The following CTDSPL variants were observed in gnomAD, a reference collection of about 807,000 sequenced individuals.
CTDSPL encodes the protein CTD small phosphatase like.
A neutral mutation model predicts 30.5 loss-of-function variants in CTDSPL; 8 were observed. That is an observed-to-expected ratio of 0.26 (90% CI 0.15 to 0.47). CTDSPL has a LOEUF of 0.47. Among genes scored for constraint, CTDSPL ranks in the 20% least tolerant of loss-of-function variants. The pLI is 0.99. For synonymous variants in CTDSPL, 110 were observed against 137.9 expected (o/e 0.80, Z 1.42); for missense variants, 248 against 366.1 (o/e 0.68, Z 2.63).
chr3:37,979,446 A>C (rs1315827946), intron 7 of CTDSPL, among the ~76,000 whole-genome samples: 3 of 152,154 alleles, frequency 2.0e-5, no homozygotes, highest in Non-Finnish European at 4.4e-5. Flanking sequence ...CTACTAAAAT[A>C]CAAAAACTAG....
At chr3:37,948,804 C>CTTTTTTTTTT (rs1559641745) in intron 2 of CTDSPL, among the ~76,000 whole-genome samples, 3 of 135,898 alleles carry the variant, frequency 2.2e-5, no homozygotes, top group African/African-American at 9.3e-5. Flanking sequence ...CATTTTCCAG[C>CTTTTTTTTTT]TTTCTTTTTT....
chr3:37,892,743 C>T (rs552943542), intron 1 of CTDSPL, among the ~76,000 whole-genome samples: 33 of 152,266 alleles, frequency 2.2e-4, no homozygotes, highest in Non-Finnish European at 4.3e-4. Flanking sequence ...CTTTCCCTAC[C>T]TGTAAATGGG....
intron 1 of CTDSPL, among the ~76,000 whole-genome samples, chr3:37,904,546 T>C (rs527298339): frequency 2.6e-5 from 4 of 152,260 alleles, no homozygotes; most frequent in African/African-American, 9.6e-5. Flanking sequence ...ACTCCCTGGC[T>C]AGAGAACTAG....
chr3:37,872,539 CTTTT>C (rs34657967), intron 1 of CTDSPL, among the ~76,000 whole-genome samples: 5 of 51,034 alleles, frequency 9.8e-5, no homozygotes, highest in Admixed American at 6.3e-4. Context: ...TACTTAGGCT[CTTTT>C]TTTTTTTTTT....
chr3:37,931,342 T>A lies in CTDSPL; in HGVS notation c.80-15715T>A, dbSNP rs146657111. Among the ~76,000 whole-genome samples, 683 of 152,068 alleles carry A rather than the reference T, an allele frequency of 4.5e-3. 22 individuals carry two copies. The South Asian group carries it at 0.078, about 17-fold the overall frequency. ...TTTTTAGTTTTTTTAAAAGATGGGG[T>A]CTCACTGTGTTTCCCAGGCTGATCT... On this transcript the variant is annotated intron_variant, in intron 1 of 7. Coordinates refer to ENST00000273179, the MANE Select transcript of CTDSPL (RefSeq NM_001008392.2).
intron 1 of CTDSPL, among the ~76,000 whole-genome samples, chr3:37,887,198 C>T (rs902269045): frequency 3.9e-5 from 6 of 152,168 alleles, no homozygotes; most frequent in African/African-American, 1.2e-4. Flanking sequence ...TACTGTGACA[C>T]AATATTGAGC....
chr3:37,982,545 G>C lies in CTDSPL; in HGVS notation c.*1678G>C, dbSNP rs1175810022. ...TCGGGGGTCAAAGTAAAATATCTTT[G>C]TTTTGCTTTCATTCACAAAGTAATG... On this transcript the variant is annotated 3_prime_UTR_variant, in exon 8 of 8. Transcript: ENST00000273179. 2.2e-6 allele frequency: 1 copy of C among 456,650 alleles called. No homozygotes were observed. Among genetic ancestry groups the C allele is most frequent in the East Asian group, 7.0e-5 (1 of 14,382 alleles). 28.3% of individuals were successfully genotyped at this position (456,650 alleles called of 1,614,324 possible). A position where few individuals can be genotyped will look rare whatever the true frequency, so the allele number is the denominator to read the frequency against.
At chr3:37,958,972 C>T (rs770461890) in intron 3 of CTDSPL, among the ~76,000 whole-genome samples, 5 of 152,182 alleles carry the variant, frequency 3.3e-5, no homozygotes, top group Non-Finnish European at 5.9e-5. Flanking sequence ...CCTGAAAAGG[C>T]GCCAGGTTGC....
intron 2 of CTDSPL, among the ~76,000 whole-genome samples, chr3:37,952,398 T>C (rs1699120453): frequency 1.3e-5 from 2 of 152,234 alleles, no homozygotes; most frequent in Admixed American, 6.5e-5. Flanking sequence ...CCCCTATCCT[T>C]GGTATGTTTG....
chr3:37,873,976 C>G (rs1324974327), intron 1 of CTDSPL, among the ~76,000 whole-genome samples: 2 of 152,220 alleles, frequency 1.3e-5, no homozygotes, highest in Non-Finnish European at 2.9e-5. Context: ...GATTAGCAAG[C>G]ATGTTTAACC....
chr3:37,862,283 G>T lies in CTDSPL; in HGVS notation c.79+5G>T. ...TGCCGGGCGCGGGCGAGAAAGGTGA[G>T]GAGGGGCGCAGGCGGCCGCGGGCTG... On this transcript the variant is annotated splice_donor_5th_base_variant and intron_variant, in intron 1 of 7. Coordinates refer to ENST00000273179, the MANE Select transcript of CTDSPL (RefSeq NM_001008392.2). The surrounding 1 kb of genome is among the most constrained non-coding windows in gnomAD (Gnocchi z 4.3). 1 of 1,491,832 alleles carries T rather than the reference G, an allele frequency of 6.7e-7. No homozygotes were observed. Among genetic ancestry groups the T allele is most frequent in the Non-Finnish European group, 8.9e-7 (1 of 1,124,044 alleles). 92.4% of individuals were successfully genotyped at this position (1,491,832 alleles called of 1,614,324 possible). A position where few individuals can be genotyped will look rare whatever the true frequency, so the allele number is the denominator to read the frequency against.
chr3:37,906,734 C>T (rs543422246), intron 1 of CTDSPL, among the ~76,000 whole-genome samples: 23 of 152,276 alleles, frequency 1.5e-4, no homozygotes, highest in Middle Eastern at 3.4e-3. Context: ...TGCTGTGCTG[C>T]CCACTCTAGT....
intron 1 of CTDSPL, among the ~76,000 whole-genome samples, chr3:37,874,655 G>T (rs569995299): frequency 6.6e-6 from 1 of 152,082 alleles, no homozygotes; most frequent in African/African-American, 2.4e-5. Flanking sequence ...GCTTGAATCC[G>T]GAAGGCGGAG....
At chr3:37,931,713 A>G (rs566980112) in intron 1 of CTDSPL, among the ~76,000 whole-genome samples, 20 of 152,096 alleles carry the variant, frequency 1.3e-4, no homozygotes, top group African/African-American at 4.6e-4. Context: ...TACATGAAAC[A>G]TTTTGTAGTA....
chr3:37,915,246 T>C (rs919792064), intron 1 of CTDSPL, among the ~76,000 whole-genome samples: 1 of 152,208 alleles, frequency 6.6e-6, no homozygotes, highest in African/African-American at 2.4e-5. Flanking sequence ...ATTTTCTCTT[T>C]GTCTTTGGTG....
intron 1 of CTDSPL, among the ~76,000 whole-genome samples, chr3:37,881,949 G>A (rs1698210112): frequency 6.6e-6 from 1 of 152,168 alleles, no homozygotes; most frequent in Non-Finnish European, 1.5e-5. Flanking sequence ...GTTAAGATTT[G>A]CTAGAGCTGG....
chr3:37,876,079 C>CA (rs1698131584), intron 1 of CTDSPL, among the ~76,000 whole-genome samples: 1 of 151,770 alleles, frequency 6.6e-6, no homozygotes, highest in African/African-American at 2.4e-5. Context: ...CCCATCTGTA[C>CA]AAAAAATAAA....
intron 1 of CTDSPL, among the ~76,000 whole-genome samples, chr3:37,897,676 A>G (rs1478580622): frequency 6.6e-6 from 1 of 152,198 alleles, no homozygotes; most frequent in African/African-American, 2.4e-5. Context: ...CTAGATGGAC[A>G]TCTGCTTGTG....
intron 1 of CTDSPL, among the ~76,000 whole-genome samples, chr3:37,891,148 TAG>T (rs1297294892): frequency 6.6e-6 from 1 of 152,166 alleles, no homozygotes; most frequent in African/African-American, 2.4e-5. Flanking sequence ...GTAATCAGTC[TAG>T]AGAACAGAGA....
Sources: allele counts gnomAD v4.1 joint callset (sites outside exome capture counted in the v4.1 genomes callset), GRCh38; gene constraint gnomAD v4.1.1; non-coding constraint Gnocchi (gnomAD v3.1); transcripts MANE v1.5; gene names NCBI Gene and HGNC (gene_info 2026-07-23, HGNC 2026-07-21).